CHCHD6: variants seen among roughly 807,000 people sequenced by gnomAD.
CHCHD6 encodes coiled-coil-helix-coiled-coil-helix domain containing 6.
CHCHD6 carries 28 observed loss-of-function variants against 32.3 expected under a neutral mutation model. The observed-to-expected ratio is 0.87, with a 90% CI of 0.64 to 1.19. CHCHD6 has a LOEUF of 1.19. Among genes scored for constraint, CHCHD6 ranks in the 50% most tolerant of loss-of-function variants. CHCHD6 has a pLI of 0.00. For synonymous variants in CHCHD6, 122 were observed against 117.5 expected (o/e 1.04, Z -0.25); for missense variants, 333 against 307.0 (o/e 1.08, Z -0.63).
intron 6 of CHCHD6, among the ~76,000 whole-genome samples, chr3:126,955,424 A>C (rs1198640287): frequency 4.6e-5 from 7 of 152,218 alleles, no homozygotes; most frequent in Non-Finnish European, 5.9e-5. Flanking sequence ...GGACCCTTTA[A>C]GACTTGGTGC....
chr3:126,817,225 T>G (rs56682857), intron 4 of CHCHD6, among the ~76,000 whole-genome samples: 39 of 152,288 alleles, frequency 2.6e-4, no homozygotes, highest in African/African-American at 8.9e-4. Context: ...CCTGTCTCTT[T>G]TAATGACTGA....
In CHCHD6 at chr3:126,822,062, C is replaced by T. The variant is rs1258035023; in HGVS notation, c.412-30585C>T. ...TTTGAAGCACAAAGGTTTTTAATTT[C>T]GATGAAATTCAACTTACCTATTTTT... On this transcript the variant is annotated intron_variant, in intron 4 of 7. Coordinates refer to ENST00000290913, the MANE Select transcript of CHCHD6 (RefSeq NM_032343.3). Among the ~76,000 whole-genome samples, 5 of 152,060 alleles carry T rather than the reference C, an allele frequency of 3.3e-5. 1 individual carries two copies. The highest frequency in any genetic ancestry group is 2.1e-4 in the South Asian group (1 of 4,834).
intron 5 of CHCHD6, among the ~76,000 whole-genome samples, chr3:126,863,650 A>C (rs1341941276): frequency 4.7e-5 from 4 of 85,142 alleles, no homozygotes; most frequent in Non-Finnish European, 6.9e-5. Context: ...CACCATCACC[A>C]CCTCCCCCTC....
chr3:126,835,916 G>T (rs1049432589), intron 4 of CHCHD6, among the ~76,000 whole-genome samples: 4 of 152,144 alleles, frequency 2.6e-5, no homozygotes, highest in Non-Finnish European at 5.9e-5. Context: ...TTCTGTAAAG[G>T]TTTCTCCTTG....
At chr3:126,800,563 C>G (rs1419504029) in intron 4 of CHCHD6, among the ~76,000 whole-genome samples, 1 of 152,178 alleles carries the variant, frequency 6.6e-6, no homozygotes, top group East Asian at 1.9e-4. Context: ...GAGACACAGT[C>G]AGATCCCCTC....
At chr3:126,820,201 A>G (rs1038900823) in intron 4 of CHCHD6, among the ~76,000 whole-genome samples, 1 of 152,222 alleles carries the variant, frequency 6.6e-6, no homozygotes, top group African/African-American at 2.4e-5. Flanking sequence ...TGGTTGGTCA[A>G]CATATTCTTT....
chr3:126,959,140 G>A (rs759836510), intron 7 of CHCHD6, among the ~76,000 whole-genome samples: 18 of 152,064 alleles, frequency 1.2e-4, no homozygotes, highest in Non-Finnish European at 2.1e-4. Context: ...TATCTTCCTC[G>A]CACCAAGGCA....
intron 4 of CHCHD6, among the ~76,000 whole-genome samples, chr3:126,829,888 A>G (rs988281098): frequency 6.6e-6 from 1 of 152,142 alleles, no homozygotes; most frequent in Non-Finnish European, 1.5e-5. Context: ...ACCTGAGGTC[A>G]GGAGTTCAAG....
At chr3:126,893,773 G>A (rs1265796168) in intron 5 of CHCHD6, among the ~76,000 whole-genome samples, 1 of 152,220 alleles carries the variant, frequency 6.6e-6, no homozygotes, top group African/African-American at 2.4e-5. Context: ...TGACTATCCT[G>A]GGTGTCCTGT....
intron 4 of CHCHD6, among the ~76,000 whole-genome samples, chr3:126,802,994 T>C (rs1209569104): frequency 1.3e-5 from 2 of 151,898 alleles, no homozygotes; most frequent in Non-Finnish European, 2.9e-5. Flanking sequence ...AATAAAATCC[T>C]TTACAGACAA....
intron 4 of CHCHD6, among the ~76,000 whole-genome samples, chr3:126,752,973 C>G (rs1032618106): frequency 1.3e-5 from 2 of 152,056 alleles, no homozygotes; most frequent in African/African-American, 4.8e-5. Context: ...GCCAGGTACC[C>G]GAGGTTAAGG....
At chr3:126,782,264 T>C (rs928679142) in intron 4 of CHCHD6, among the ~76,000 whole-genome samples, 1 of 152,224 alleles carries the variant, frequency 6.6e-6, no homozygotes, top group African/African-American at 2.4e-5. Context: ...TTTGTTGTGC[T>C]CTGTTCTTAC....
chr3:126,710,763 T>A (rs1471105487), intron 1 of CHCHD6, among the ~76,000 whole-genome samples: 1 of 152,220 alleles, frequency 6.6e-6, no homozygotes, highest in Admixed American at 6.5e-5. Flanking sequence ...ATAGTTGGTT[T>A]CTGTATATTG....
chr3:126,847,867 A>C (rs1576489279), intron 4 of CHCHD6, among the ~76,000 whole-genome samples: 3 of 148,366 alleles, frequency 2.0e-5, no homozygotes, highest in Admixed American at 1.3e-4. Flanking sequence ...CCCCTCTCTT[A>C]CCCCCTTGTC....
chr3:126,807,813 T>C (rs1939474477), intron 4 of CHCHD6, among the ~76,000 whole-genome samples: 1 of 152,196 alleles, frequency 6.6e-6, no homozygotes, highest in Non-Finnish European at 1.5e-5. Context: ...CAAAACTTAG[T>C]GGCTTAGAAC....
intron 4 of CHCHD6, among the ~76,000 whole-genome samples, chr3:126,800,435 G>C (rs964840586): frequency 1.3e-5 from 2 of 152,164 alleles, no homozygotes; most frequent in African/African-American, 2.4e-5. Flanking sequence ...AATCACAGAA[G>C]CAGTTGGGCC....
intron 4 of CHCHD6, among the ~76,000 whole-genome samples, chr3:126,833,596 C>G (rs921632921): frequency 2.0e-5 from 3 of 152,190 alleles, no homozygotes; most frequent in Admixed American, 2.0e-4. Flanking sequence ...GCCTTGCTGT[C>G]TGATAGCTAT....
intron 4 of CHCHD6, among the ~76,000 whole-genome samples, chr3:126,789,833 T>G (rs1163445471): frequency 1.3e-5 from 2 of 152,212 alleles, no homozygotes; most frequent in African/African-American, 2.4e-5. Context: ...CATTTAAGGT[T>G]AATATTGTTA....
At chr3:126,895,175 C>T (rs575016496) in intron 5 of CHCHD6, among the ~76,000 whole-genome samples, 4 of 152,330 alleles carry the variant, frequency 2.6e-5, no homozygotes, top group African/African-American at 7.2e-5. Flanking sequence ...TAGCTAAAAT[C>T]GTAGATTCTT....
Sources: allele counts gnomAD v4.1 joint callset (sites outside exome capture counted in the v4.1 genomes callset), GRCh38; gene constraint gnomAD v4.1.1; transcripts MANE v1.5; gene names NCBI Gene and HGNC (gene_info 2026-07-23, HGNC 2026-07-21).